The following ECE1 variants were observed in gnomAD, a reference collection of about 807,000 sequenced individuals.
ECE1 encodes the protein endothelin converting enzyme 1, also known as endothelin-converting enzyme 1.
Under a neutral mutation model 98.6 loss-of-function variants are expected in ECE1, and 35 were observed. That is an observed-to-expected ratio of 0.35 (90% CI 0.27 to 0.47). The LOEUF (loss-of-function observed/expected upper bound fraction) is 0.47, where lower values mean the gene tolerates loss of function less well. Among genes scored for constraint, ECE1 ranks in the 20% least tolerant of loss-of-function variants. The pLI, the probability that ECE1 is intolerant of heterozygous loss-of-function variation, is 1.00. For missense variants in ECE1, 814 were observed against 1,025.3 expected, an observed-to-expected ratio of 0.79 and a Z score of 2.81; for synonymous variants, 394 against 407.1, an observed-to-expected ratio of 0.97 and a Z score of 0.39.
intron 2 of ECE1, among the ~76,000 whole-genome samples, chr1:21,282,580 G>A (rs570090251): frequency 2.2e-5 from 3 of 137,494 alleles, no homozygotes; most frequent in South Asian, 2.3e-4. Flanking sequence ...AGAGTGAGAC[G>A]CTGTCTTGAA....
intron 8 of ECE1, among the ~76,000 whole-genome samples, chr1:21,253,548 G>A (rs1312594955): frequency 5.3e-5 from 8 of 150,646 alleles, no homozygotes; most frequent in Non-Finnish European, 1.2e-4. Flanking sequence ...AACTCACGAA[G>A]ACAGGAGATC....
intron 1 of ECE1, among the ~76,000 whole-genome samples, chr1:21,335,283 T>C (rs1639285283): frequency 6.6e-6 from 1 of 151,838 alleles, no homozygotes. Context: ...ACAGCCACTC[T>C]CCACCACATC....
chr1:21,337,982 C>G (rs3026815), intron 1 of ECE1, among the ~76,000 whole-genome samples: 3 of 152,014 alleles, frequency 2.0e-5, no homozygotes, highest in Non-Finnish European at 4.4e-5. Context: ...CTGGAAGGAA[C>G]AGCTCATGTG....
At chr1:21,316,321 T>A (rs1015756738) in intron 1 of ECE1, among the ~76,000 whole-genome samples, 1 of 152,154 alleles carries the variant, frequency 6.6e-6, no homozygotes, top group African/African-American at 2.4e-5. Flanking sequence ...CAGGCTGGAG[T>A]GCAGTGGCAC....
At chr1:21,243,957 C>T (rs138604896) in intron 10 of ECE1, among the ~76,000 whole-genome samples, 1 of 152,288 alleles carries the variant, frequency 6.6e-6, no homozygotes, top group African/African-American at 2.4e-5. Context: ...GGTAGGTTTG[C>T]ATGGGGATGG....
chr1:21,244,238 A>G (rs1307255901), intron 10 of ECE1, among the ~76,000 whole-genome samples: 1 of 152,014 alleles, frequency 6.6e-6, no homozygotes, highest in East Asian at 1.9e-4. Flanking sequence ...CCCGAGCGTG[A>G]TGTATCCCAT....
chr1:21,308,603 A>G (rs1174731043), intron 1 of ECE1, among the ~76,000 whole-genome samples: 1 of 152,142 alleles, frequency 6.6e-6, no homozygotes, highest in Non-Finnish European at 1.5e-5. Flanking sequence ...TGGACCCAGG[A>G]AAATTGGCTG....
At chr1:21,332,370 G>A (rs1639215931) in intron 1 of ECE1, among the ~76,000 whole-genome samples, 1 of 151,846 alleles carries the variant, frequency 6.6e-6, no homozygotes, top group Non-Finnish European at 1.5e-5. Context: ...TAGGCACTTA[G>A]TGTACTGCAG....
intron 3 of ECE1, among the ~76,000 whole-genome samples, chr1:21,277,327 G>T (rs1293782512): frequency 6.6e-6 from 1 of 152,222 alleles, no homozygotes; most frequent in Admixed American, 6.5e-5. Context: ...TGGCCCGTGG[G>T]GACTCCCCCC....
At chr1:21,285,709 A>G (rs796677737) in intron 2 of ECE1, among the ~76,000 whole-genome samples, 5,704 of 149,256 alleles carry the variant, frequency 0.038, 359 homozygotes, top group African/African-American at 0.13. Flanking sequence ...AAAAAAAAAA[A>G]GGCTGGGCAC....
chr1:21,319,643 C>T lies in ECE1; in HGVS notation c.3+25733G>A, dbSNP rs1308869310. Among the ~76,000 whole-genome samples the T allele has an allele frequency of 6.6e-6, 1 of 152,138 alleles. No individual in the cohort carries two copies. Among genetic ancestry groups the T allele is most frequent in the Non-Finnish European group, 1.5e-5 (1 of 68,032 alleles). On this transcript the variant is annotated intron_variant, in intron 1 of 18. Transcript: ENST00000415912. This position sits in a 1 kb window ranked among gnomAD's most constrained non-coding sequence, Gnocchi z 4.4. ...CTGTGAACTGGGCAGGAAAGCCAGG[C>T]TCCATCCCTGTCCAACTCTCCTCAG...
chr1:21,302,466 G>C (rs1638506769), intron 1 of ECE1, among the ~76,000 whole-genome samples: 1 of 152,226 alleles, frequency 6.6e-6, no homozygotes, highest in African/African-American at 2.4e-5. Flanking sequence ...GATCAAATTA[G>C]GAAAATCCGT....
intron 4 of ECE1, among the ~76,000 whole-genome samples, chr1:21,264,693 T>C (rs2098231654): frequency 6.6e-6 from 1 of 152,244 alleles, no homozygotes; most frequent in Non-Finnish European, 1.5e-5. Flanking sequence ...AATTTATTCT[T>C]GCAGGACAAA....
Position 21,327,178 on chromosome 1 carries a change from G to T in ECE1, c.3+18198C>A, listed in dbSNP as rs1034929215. Among the ~76,000 whole-genome samples, 3 of 152,238 alleles carry T rather than the reference G, an allele frequency of 2.0e-5. No homozygotes were observed. Among genetic ancestry groups the T allele is most frequent in the African/African-American group, 7.2e-5 (3 of 41,450 alleles). On this transcript the variant is annotated intron_variant, in intron 1 of 18. Transcript: ENST00000415912. This position sits in a 1 kb window ranked among gnomAD's most constrained non-coding sequence, Gnocchi z 4.6. ...GAGGGACGAAGCCACCAGGAGACTGGGAAGAGGGACTCTGCCAGAGCAGCT... is the reference window on the plus strand; with the variant it reads ...GAGGGACGAAGCCACCAGGAGACTGTGAAGAGGGACTCTGCCAGAGCAGCT...
Position 21,225,187 on chromosome 1 carries a change from C to T in ECE1, c.2040+63G>A, listed in dbSNP as rs1018100456. On this transcript the variant is annotated intron_variant, in intron 17 of 18. Coordinates refer to ENST00000374893, the MANE Select transcript of ECE1 (RefSeq NM_001397.3). This position sits in a 1 kb window ranked among gnomAD's most constrained non-coding sequence, Gnocchi z 5.3. The stretch of plus-strand genomic sequence containing the variant: ...CCTGGTTGTCCGTGATGATCCTCTA[C>T]GGACAGGCATCTGGAAGGAGCCAGC... 40 of 1,589,534 alleles carry T rather than the reference C, an allele frequency of 2.5e-5. No individual in the cohort carries two copies. The highest frequency in any genetic ancestry group is 9.0e-5 in the East Asian group (4 of 44,636).
At chr1:21,321,543 G>A (rs564818694) in intron 1 of ECE1, among the ~76,000 whole-genome samples, 1 of 151,804 alleles carries the variant, frequency 6.6e-6, no homozygotes, top group South Asian at 2.1e-4. Context: ...CGGTGTGTTG[G>A]GCCAGGCACC....
chr1:21,333,516 C>T (rs966246759), intron 1 of ECE1, among the ~76,000 whole-genome samples: 1 of 152,168 alleles, frequency 6.6e-6, no homozygotes, highest in Non-Finnish European at 1.5e-5. Context: ...CCATTCTTTC[C>T]GGTGCTTCAG....
intron 3 of ECE1, among the ~76,000 whole-genome samples, chr1:21,274,114 A>G (rs1400060256): frequency 6.6e-6 from 1 of 152,242 alleles, no homozygotes; most frequent in African/African-American, 2.4e-5. Flanking sequence ...TTAACTCATT[A>G]CAAGTCATCA....
chr1:21,220,028 T>C lies in ECE1; in HGVS notation c.2240A>G (p.Lys747Arg). ...GCAGCGGAAGTGTTCTGAGAACTCC[T>C]TGGAATTGGAGAGGGAGCCGATGAC... ...FRVIGSLSNS[K>R]EFSEHFRCPP... The change falls in exon 19 of 19, where the codon AAG becomes AGG. Residue 747 changes from lysine to arginine, a missense_variant. Lys to Arg is a conservative substitution (Grantham distance 26). Around this residue, in one of 3 missense-constraint regions of ECE1, gnomAD observed 452 missense variants for 567.3 expected, o/e 0.80. Coordinates refer to ENST00000374893, the MANE Select transcript of ECE1 (RefSeq NM_001397.3). The surrounding 1 kb of genome is among the most constrained non-coding windows in gnomAD (Gnocchi z 5.0). The C allele has an allele frequency of 6.2e-7, 1 of 1,614,156 alleles. No individual in the cohort carries two copies. The highest frequency in any genetic ancestry group is 8.5e-7 in the Non-Finnish European group (1 of 1,180,028).
Sources: allele counts gnomAD v4.1 joint callset (sites outside exome capture counted in the v4.1 genomes callset), GRCh38; gene constraint gnomAD v4.1.1; regional missense constraint gnomAD v4.1.1; non-coding constraint Gnocchi (gnomAD v3.1); transcripts MANE v1.5; gene names NCBI Gene and HGNC (gene_info 2026-07-23, HGNC 2026-07-21).